The following NRG1 variants were observed in gnomAD, a reference collection of about 807,000 sequenced individuals.
The protein encoded by NRG1 is pro-neuregulin-1, membrane-bound isoform.
In NRG1, 18 loss-of-function variants were observed where a neutral mutation model predicts 63.8. The ratio of observed to expected loss-of-function variants is 0.28; its 90% confidence interval spans 0.19 to 0.42. The LOEUF is 0.42. Ranked by LOEUF, NRG1 falls within the 10% of genes least tolerant of loss-of-function variation. NRG1 has a pLI of 1.00. For synonymous variants in NRG1, 302 were observed against 301.3 expected, an observed-to-expected ratio of 1.00 and a Z score of -0.02; for missense variants, 762 against 814.7, an observed-to-expected ratio of 0.94 and a Z score of 0.79.
intron 1 of NRG1, among the ~76,000 whole-genome samples, chr8:31,900,038 G>T (rs1355495056): frequency 6.6e-6 from 1 of 152,120 alleles, no homozygotes; most frequent in Non-Finnish European, 1.5e-5. Context: ...CTTTTCAGAT[G>T]CATGAAACAA....
chr8:32,651,886 C>G (rs914157725), intron 5 of NRG1, among the ~76,000 whole-genome samples: 5 of 152,150 alleles, frequency 3.3e-5, no homozygotes, highest in African/African-American at 1.2e-4. Flanking sequence ...CCACTTTAAT[C>G]ATAGCCGATT....
At chr8:31,952,131 A>T (rs1360752152) in intron 1 of NRG1, among the ~76,000 whole-genome samples, 1 of 152,178 alleles carries the variant, frequency 6.6e-6, no homozygotes, top group Non-Finnish European at 1.5e-5. Context: ...GTATTATAGG[A>T]TGTTTCCTCC....
intron 1 of NRG1, among the ~76,000 whole-genome samples, chr8:31,735,974 T>C (rs569580406): frequency 6.6e-6 from 1 of 152,272 alleles, no homozygotes; most frequent in South Asian, 2.1e-4. Context: ...TTTCTTGCCA[T>C]TTTATCCTTT....
chr8:31,697,303 A>G (rs955722672), intron 1 of NRG1, among the ~76,000 whole-genome samples: 1 of 152,156 alleles, frequency 6.6e-6, no homozygotes, highest in Non-Finnish European at 1.5e-5. Context: ...GGTAGTTTTA[A>G]TTTCTTTCTC....
intron 1 of NRG1, among the ~76,000 whole-genome samples, chr8:32,164,361 C>T (rs1340924526): frequency 6.6e-6 from 1 of 152,178 alleles, no homozygotes; most frequent in Admixed American, 6.5e-5. Flanking sequence ...TTAGATCTTG[C>T]AGTCTTCATG....
intron 1 of NRG1, among the ~76,000 whole-genome samples, chr8:31,651,324 C>G (rs1264154564): frequency 6.6e-6 from 1 of 152,196 alleles, no homozygotes; most frequent in Non-Finnish European, 1.5e-5. Context: ...TATGATTAAT[C>G]CACAGCTGTA....
chr8:31,855,686 T>G (rs1827784250), intron 1 of NRG1, among the ~76,000 whole-genome samples: 2 of 152,346 alleles, frequency 1.3e-5, no homozygotes, highest in Admixed American at 6.5e-5. Context: ...GCTCCTTAGT[T>G]GATGCAGTTT....
rs764678705 is a variant in NRG1 at position 32,742,737 on chromosome 8, C to T, written c.691+4C>T. ...TACGTAATGGCCAGCTTCTACAGTACGTCCACTCCCTTTCTGTCTCTGCCT... is the reference window on the plus strand; with the variant it reads ...TACGTAATGGCCAGCTTCTACAGTATGTCCACTCCCTTTCTGTCTCTGCCT... On this transcript the variant is annotated splice_donor_region_variant and intron_variant, in intron 7 of 11. Coordinates refer to ENST00000356819, the Ensembl canonical transcript of NRG1. This position sits in a 1 kb window ranked among gnomAD's most constrained non-coding sequence, Gnocchi z 4.2. 6 of 1,613,630 alleles carry T rather than the reference C, an allele frequency of 3.7e-6. No individual in the cohort carries two copies. The highest frequency in any genetic ancestry group is 2.2e-5 in the East Asian group (1 of 44,870).
intron 1 of NRG1, among the ~76,000 whole-genome samples, chr8:32,274,815 T>C (rs1221745379): frequency 6.6e-6 from 1 of 152,182 alleles, no homozygotes; most frequent in Non-Finnish European, 1.5e-5. Context: ...AACAAATGTA[T>C]AAACAGGTTG....
intron 1 of NRG1, among the ~76,000 whole-genome samples, chr8:32,582,491 G>A (rs1246821177): frequency 6.6e-6 from 1 of 152,150 alleles, no homozygotes. Context: ...AAAATAAAAT[G>A]AGCGGTTATT....
intron 1 of NRG1, among the ~76,000 whole-genome samples, chr8:32,569,691 A>C (rs1272102041): frequency 6.6e-6 from 1 of 152,036 alleles, no homozygotes; most frequent in Non-Finnish European, 1.5e-5. Flanking sequence ...TATCAGAAAT[A>C]CAGGCTTGTA....
At chr8:32,396,778 A>C (rs1203520883) in intron 1 of NRG1, among the ~76,000 whole-genome samples, 1 of 152,168 alleles carries the variant, frequency 6.6e-6, no homozygotes, top group African/African-American at 2.4e-5. Context: ...TGCTATTATT[A>C]ATGACATTGT....
chr8:32,549,138 C>T (rs148585725), intron 1 of NRG1, among the ~76,000 whole-genome samples: 2,520 of 152,334 alleles, frequency 0.017, 33 homozygotes, highest in Non-Finnish European at 0.028. Flanking sequence ...GCGGCTGAGC[C>T]CAGCCCGGGA....
intron 5 of NRG1, among the ~76,000 whole-genome samples, chr8:32,657,234 G>T (rs777008549): frequency 2.6e-5 from 4 of 151,670 alleles, no homozygotes; most frequent in Non-Finnish European, 5.9e-5. Context: ...TAACTGTGTT[G>T]CCTGTATTGG....
intron 1 of NRG1, among the ~76,000 whole-genome samples, chr8:31,953,443 G>T (rs1241712958): frequency 6.6e-6 from 1 of 152,124 alleles, no homozygotes; most frequent in East Asian, 1.9e-4. Context: ...ACTGGTAGAG[G>T]TGCTTGGATA....
At chr8:32,193,320 G>T (rs1422026775) in intron 1 of NRG1, among the ~76,000 whole-genome samples, 1 of 151,834 alleles carries the variant, frequency 6.6e-6, no homozygotes, top group Non-Finnish European at 1.5e-5. Flanking sequence ...GTGTGTGTGT[G>T]TGTGTGTGTG....
At chr8:32,200,416 T>C (rs943345444) in intron 1 of NRG1, among the ~76,000 whole-genome samples, 8 of 151,810 alleles carry the variant, frequency 5.3e-5, no homozygotes, top group African/African-American at 1.9e-4. Context: ...ACTTCCAGGA[T>C]TTTTTTAACC....
chr8:32,276,801 A>G (rs1347459754), intron 1 of NRG1, among the ~76,000 whole-genome samples: 2 of 152,196 alleles, frequency 1.3e-5, no homozygotes, highest in Admixed American at 1.3e-4. Context: ...AAAATAGGGC[A>G]AGGGAGGAAA....
chr8:31,857,452 T>C (rs1451570348), intron 1 of NRG1, among the ~76,000 whole-genome samples: 1 of 152,230 alleles, frequency 6.6e-6, no homozygotes, highest in Non-Finnish European at 1.5e-5. Flanking sequence ...AGTGAGGCAA[T>C]GCCTCGCCCT....
Sources: allele counts gnomAD v4.1 joint callset (sites outside exome capture counted in the v4.1 genomes callset), GRCh38; gene constraint gnomAD v4.1.1; non-coding constraint Gnocchi (gnomAD v3.1); transcripts MANE v1.5; gene names NCBI Gene and HGNC (gene_info 2026-07-23, HGNC 2026-07-21).